The following FAM135B variants were observed in gnomAD, a reference collection of about 807,000 sequenced individuals.
The protein encoded by FAM135B is family with sequence similarity 135 member B.
FAM135B carries 43 observed loss-of-function variants against 127.7 expected under a neutral mutation model. That is an observed-to-expected ratio of 0.34 (90% CI 0.26 to 0.43). The LOEUF (loss-of-function observed/expected upper bound fraction) is 0.43. Among genes scored for constraint, FAM135B ranks in the 20% least tolerant of loss-of-function variants. The pLI is 1.00. For synonymous variants in FAM135B, 670 were observed against 665.1 expected (o/e 1.01, Z -0.11); for missense variants, 1,558 against 1,725.6 (o/e 0.90, Z 1.72).
At chr8:138,313,878 A>G (rs1261602903) in intron 2 of FAM135B, among the ~76,000 whole-genome samples, 2 of 151,154 alleles carry the variant, frequency 1.3e-5, no homozygotes, top group Non-Finnish European at 2.9e-5. Flanking sequence ...ATTCACAGAC[A>G]TGAACACAGT....
chr8:138,215,944 C>T (rs1278029234), intron 7 of FAM135B, among the ~76,000 whole-genome samples: 1 of 152,062 alleles, frequency 6.6e-6, no homozygotes, highest in East Asian at 1.9e-4. Context: ...TCTGTGCTAC[C>T]CAGAGAAAGC....
intron 1 of FAM135B, among the ~76,000 whole-genome samples, chr8:138,487,106 T>C (rs1815012461): frequency 6.6e-6 from 1 of 152,186 alleles, no homozygotes. Context: ...TAATCAGAAC[T>C]TGGATTCAAA....
intron 1 of FAM135B, among the ~76,000 whole-genome samples, chr8:138,400,247 G>A (rs1475447934): frequency 1.3e-5 from 2 of 152,134 alleles, no homozygotes; most frequent in South Asian, 2.1e-4. Context: ...CTTGGAGGGG[G>A]CAGGAGAAAT....
At chr8:138,245,658 G>T (rs976643645) in intron 6 of FAM135B, among the ~76,000 whole-genome samples, 5 of 152,166 alleles carry the variant, frequency 3.3e-5, no homozygotes, top group Non-Finnish European at 7.3e-5. Context: ...CTTCACAGCA[G>T]CATAAGAATG....
intron 1 of FAM135B, among the ~76,000 whole-genome samples, chr8:138,419,272 A>G (rs1030943487): frequency 6.6e-6 from 1 of 152,198 alleles, no homozygotes; most frequent in Non-Finnish European, 1.5e-5. Flanking sequence ...ATGGTGTTAC[A>G]TAATGATAAA....
chr8:138,188,324 G>A (rs1172795559), intron 9 of FAM135B, among the ~76,000 whole-genome samples: 1 of 152,166 alleles, frequency 6.6e-6, no homozygotes, highest in East Asian at 1.9e-4. Context: ...TGCAGGCCCA[G>A]GACTCACAAC....
chr8:138,467,068 G>A (rs1169054912), intron 1 of FAM135B, among the ~76,000 whole-genome samples: 4 of 152,104 alleles, frequency 2.6e-5, no homozygotes, highest in Non-Finnish European at 5.9e-5. Flanking sequence ...AACAAACTCC[G>A]AATCAGTCAT....
At chr8:138,367,498 A>G (rs1830819463) in intron 2 of FAM135B, 1 of 456,746 alleles carries the variant, frequency 2.2e-6, no homozygotes, top group Non-Finnish European at 4.4e-6. Flanking sequence ...ATCTAGGCAC[A>G]AGTGTTACAA....
chr8:138,135,775 C>T (rs981936130), intron 19 of FAM135B, among the ~76,000 whole-genome samples: 1 of 152,080 alleles, frequency 6.6e-6, no homozygotes, highest in Non-Finnish European at 1.5e-5. Flanking sequence ...GAAGCAAGCT[C>T]TATGTGCAGT....
intron 3 of FAM135B, among the ~76,000 whole-genome samples, chr8:138,305,130 C>T (rs1017897560): frequency 2.6e-5 from 4 of 152,144 alleles, no homozygotes; most frequent in Non-Finnish European, 5.9e-5. Context: ...GAATAAATGT[C>T]GGTCCCCCGC....
At chr8:138,140,413 G>A (rs951669931) in intron 17 of FAM135B, among the ~76,000 whole-genome samples, 12 of 152,256 alleles carry the variant, frequency 7.9e-5, no homozygotes, top group South Asian at 4.1e-4. Context: ...TTTAATAAAC[G>A]ATTTGTTATT....
At chr8:138,250,767 A>C in intron 6 of FAM135B, 74 bp downstream of exon 6, 7 of 1,543,114 alleles carry the variant, frequency 4.5e-6, no homozygotes, top group Non-Finnish European at 6.2e-6. Flanking sequence ...TCTCCTGGAA[A>C]ACTCCCTGCC....
intron 3 of FAM135B, among the ~76,000 whole-genome samples, chr8:138,294,545 C>A (rs1563866342): frequency 6.6e-6 from 1 of 151,778 alleles, no homozygotes; most frequent in Admixed American, 6.6e-5. Flanking sequence ...AAATCATATT[C>A]AATATAAGGA....
intron 3 of FAM135B, among the ~76,000 whole-genome samples, chr8:138,275,282 A>G (rs1437307340): frequency 3.3e-5 from 5 of 152,212 alleles, no homozygotes; most frequent in Admixed American, 6.5e-5. Context: ...GTTCTGACAA[A>G]TCGAATCCTT....
chr8:138,162,346 T>C (rs879671052), intron 12 of FAM135B, among the ~76,000 whole-genome samples: 1 of 152,192 alleles, frequency 6.6e-6, no homozygotes, highest in Non-Finnish European at 1.5e-5. Context: ...GGAACTACTG[T>C]GTATGATACT....
chr8:138,255,945 A>G (rs1352768694), intron 5 of FAM135B, among the ~76,000 whole-genome samples: 1 of 152,166 alleles, frequency 6.6e-6, no homozygotes, highest in Non-Finnish European at 1.5e-5. Flanking sequence ...GCCCCCTACC[A>G]TGCCCTGTTC....
intron 1 of FAM135B, among the ~76,000 whole-genome samples, chr8:138,373,549 C>G (rs1302831498): frequency 6.6e-6 from 1 of 151,790 alleles, no homozygotes; most frequent in African/African-American, 2.4e-5. Flanking sequence ...GAAAAAAGAA[C>G]AGAATAACAG....
chr8:138,344,169 G>A (rs1325398654), intron 2 of FAM135B, among the ~76,000 whole-genome samples: 1 of 152,188 alleles, frequency 6.6e-6, no homozygotes, highest in Non-Finnish European at 1.5e-5. Flanking sequence ...TTACGAATGT[G>A]AGCCAAAATC....
At chr8:138,249,233 A>C (rs1385938834) in intron 6 of FAM135B, among the ~76,000 whole-genome samples, 1 of 152,116 alleles carries the variant, frequency 6.6e-6, no homozygotes, top group African/African-American at 2.4e-5. Context: ...TCCTGTGGGA[A>C]TATTCTTCAC....
Sources: allele counts gnomAD v4.1 joint callset (sites outside exome capture counted in the v4.1 genomes callset), GRCh38; gene constraint gnomAD v4.1.1; transcripts MANE v1.5; gene names NCBI Gene and HGNC (gene_info 2026-07-23, HGNC 2026-07-21).